Variants in ENTREP1 observed in about 807,000 individuals in gnomAD.
ENTREP1 encodes Friedreich ataxia region gene X123.
At chr9:69,348,279 A>AT in the ENTREP1 span, among the ~76,000 whole-genome samples, 3 of 151,708 alleles carry the variant, frequency 2.0e-5, no homozygotes, top group Admixed American at 6.6e-5. Flanking sequence ...TGCCCAGCTA[A>AT]TTTTTTTTAA....
chr9:69,344,522 A>G, the ENTREP1 span, among the ~76,000 whole-genome samples: 1 of 152,008 alleles, frequency 6.6e-6, no homozygotes. Flanking sequence ...TGTACCTGCA[A>G]TGTCTGAATT....
the ENTREP1 span, among the ~76,000 whole-genome samples, chr9:69,366,384 G>GTTTTTTTTT: frequency 2.4e-5 from 3 of 122,992 alleles, no homozygotes; most frequent in Non-Finnish European, 3.5e-5. Context: ...TTCCAACTGG[G>GTTTTTTTTT]GTTTTTTTTT....
chr9:69,370,432 G>A, the ENTREP1 span, among the ~76,000 whole-genome samples: 1 of 152,152 alleles, frequency 6.6e-6, no homozygotes, highest in South Asian at 2.1e-4. Context: ...TGCTGCCCAA[G>A]TCAAGTCCAA....
chr9:69,325,747 T>A, the ENTREP1 span: 5 of 1,219,854 alleles, frequency 4.1e-6, no homozygotes, highest in Non-Finnish European at 5.1e-6. Flanking sequence ...GCGCGCCCCG[T>A]TCGCCCGGTC....
chr9:69,340,044 G>T, the ENTREP1 span, among the ~76,000 whole-genome samples: 5 of 152,260 alleles, frequency 3.3e-5, no homozygotes, highest in African/African-American at 9.6e-5. Context: ...CACATTAGTT[G>T]TTGACTGTGG....
chr9:69,324,632 T>C, the ENTREP1 span: 1 of 985,170 alleles, frequency 1.0e-6, no homozygotes, highest in Non-Finnish European at 1.2e-6. Flanking sequence ...CGATGCGAGG[T>C]AGGCACGTCC....
chr9:69,379,964 A>T, the ENTREP1 span: 1 of 152,184 alleles, frequency 6.6e-6, no homozygotes, highest in East Asian at 1.9e-4. Flanking sequence ...GCATCCTCGG[A>T]TTTGTCTCTC....
At chr9:69,388,635 T>C in the ENTREP1 span, among the ~76,000 whole-genome samples, 93 of 152,300 alleles carry the variant, frequency 6.1e-4, no homozygotes, top group African/African-American at 2.1e-3. Context: ...GTGTGGTAAC[T>C]TTCCCACATC....
chr9:69,374,200 C>CT, the ENTREP1 span, among the ~76,000 whole-genome samples: 1 of 152,012 alleles, frequency 6.6e-6, no homozygotes, highest in Non-Finnish European at 1.5e-5. Flanking sequence ...TTGTTTGTTC[C>CT]TTTTTTCAGG....
At chr9:69,325,389 G>T in the ENTREP1 span, 1 of 1,125,594 alleles carries the variant, frequency 8.9e-7, no homozygotes, top group African/African-American at 1.6e-5. Context: ...GGGGGCCCGG[G>T]CGCCGCTGCC....
chr9:69,377,140 A>G, the ENTREP1 span, among the ~76,000 whole-genome samples: 5 of 152,202 alleles, frequency 3.3e-5, no homozygotes, highest in Admixed American at 3.3e-4. Context: ...AGCTTCTAAG[A>G]TAAGTTTTTG....
At chr9:69,375,585 T>G in the ENTREP1 span, 2 of 601,408 alleles carry the variant, frequency 3.3e-6, no homozygotes, top group Non-Finnish European at 5.8e-6. Flanking sequence ...GTTGTTACCA[T>G]GCTATACCCT....
the ENTREP1 span, among the ~76,000 whole-genome samples, chr9:69,333,718 T>G: frequency 6.6e-6 from 1 of 152,200 alleles, no homozygotes; most frequent in Admixed American, 6.5e-5. Flanking sequence ...TCAAATCATA[T>G]TTTTTACTGA....
At chr9:69,338,666 G>A in the ENTREP1 span, among the ~76,000 whole-genome samples, 1 of 152,136 alleles carries the variant, frequency 6.6e-6, no homozygotes, top group African/African-American at 2.4e-5. Context: ...TAACCAGTGT[G>A]TACATACTAT....
At chr9:69,383,493 C>A in the ENTREP1 span, 3 of 1,512,804 alleles carry the variant, frequency 2.0e-6, no homozygotes, top group East Asian at 2.3e-5. Context: ...TTCTCCCTCT[C>A]CTGGCCAAGG....
chr9:69,375,728 C>T, the ENTREP1 span: 36 of 1,604,802 alleles, frequency 2.2e-5, no homozygotes, highest in Non-Finnish European at 3.1e-5. Flanking sequence ...TACCTTTCCT[C>T]CGTTAAGGTG....
the ENTREP1 span, among the ~76,000 whole-genome samples, chr9:69,332,921 G>T: frequency 6.6e-6 from 1 of 152,158 alleles, no homozygotes; most frequent in Non-Finnish European, 1.5e-5. Flanking sequence ...CATTAATATG[G>T]AAATGATTGA....
At chr9:69,377,392 C>T in the ENTREP1 span, 1 of 1,613,336 alleles carries the variant, frequency 6.2e-7, no homozygotes, top group Admixed American at 1.7e-5. Context: ...GCCCTGTGTG[C>T]CTTGAATGCC....
the ENTREP1 span, chr9:69,375,666 G>A: frequency 2.4e-6 from 3 of 1,241,550 alleles, no homozygotes; most frequent in African/African-American, 1.5e-5. Context: ...CAGGATTGGT[G>A]CTCCATGGTA....
Sources: allele counts gnomAD v4.1 joint callset (sites outside exome capture counted in the v4.1 genomes callset), GRCh38; gene constraint gnomAD v4.1.1; transcripts MANE v1.5; gene names NCBI Gene and HGNC (gene_info 2026-07-23, HGNC 2026-07-21).